KCNIP4: variants seen among roughly 807,000 people sequenced by gnomAD.
KCNIP4 encodes potassium voltage-gated channel interacting protein 4.
Under a neutral mutation model 34.0 loss-of-function variants are expected in KCNIP4, and 12 were observed. The observed-to-expected ratio is 0.35, with a 90% CI of 0.23 to 0.57. KCNIP4 has a LOEUF of 0.57. Ranked by LOEUF, KCNIP4 falls within the 20% of genes least tolerant of loss-of-function variation. KCNIP4 has a pLI of 0.83. For missense variants in KCNIP4, 238 were observed against 311.7 expected (o/e 0.76, Z 1.78); for synonymous variants, 124 against 102.2 (o/e 1.21, Z -1.29).
chr4:20,969,361 A>T (rs1339144309), intron 1 of KCNIP4, among the ~76,000 whole-genome samples: 2 of 152,172 alleles, frequency 1.3e-5, no homozygotes, highest in Non-Finnish European at 2.9e-5. Flanking sequence ...CCCTAAGACA[A>T]AGTTTCTTGG....
intron 3 of KCNIP4, among the ~76,000 whole-genome samples, chr4:20,818,477 T>C (rs570272835): frequency 4.6e-5 from 7 of 152,296 alleles, no homozygotes; most frequent in Admixed American, 3.9e-4. Context: ...GTCTTGTCAG[T>C]GGACTGGCTC....
chr4:21,911,618 AC>A (rs2108983087), intron 1 of KCNIP4, among the ~76,000 whole-genome samples: 1 of 66,510 alleles, frequency 1.5e-5, no homozygotes, highest in East Asian at 2.5e-4. Context: ...ACACACACAC[AC>A]ACACACACAC....
intron 1 of KCNIP4, among the ~76,000 whole-genome samples, chr4:21,787,073 T>C (rs1300488436): frequency 1.3e-5 from 2 of 152,138 alleles, no homozygotes; most frequent in Non-Finnish European, 2.9e-5. Flanking sequence ...GATTTAAACC[T>C]TTTTGAACAC....
intron 1 of KCNIP4, among the ~76,000 whole-genome samples, chr4:21,070,927 G>A (rs542268081): frequency 1.0e-3 from 155 of 151,776 alleles, no homozygotes; most frequent in Non-Finnish European, 1.7e-3. Context: ...TGCCCACCTC[G>A]GCTTCCCAAA....
intron 3 of KCNIP4, among the ~76,000 whole-genome samples, chr4:20,835,489 A>G (rs1455047450): frequency 6.6e-6 from 1 of 152,100 alleles, no homozygotes; most frequent in East Asian, 1.9e-4. Flanking sequence ...TAGGGCTGCT[A>G]AGAGAATAAA....
chr4:21,590,127 G>A (rs944563528), intron 1 of KCNIP4, among the ~76,000 whole-genome samples: 4 of 151,898 alleles, frequency 2.6e-5, no homozygotes, highest in African/African-American at 9.7e-5. Flanking sequence ...TATATTAAAG[G>A]ATTAACTGGG....
At chr4:21,709,194 T>C (rs531618884) in intron 1 of KCNIP4, among the ~76,000 whole-genome samples, 1 of 152,028 alleles carries the variant, frequency 6.6e-6, no homozygotes, top group Non-Finnish European at 1.5e-5. Flanking sequence ...AAAAAAAGAA[T>C]TAAAAAGAAC....
intron 1 of KCNIP4, among the ~76,000 whole-genome samples, chr4:21,906,758 C>T (rs1041062730): frequency 1.3e-5 from 2 of 152,194 alleles, no homozygotes; most frequent in African/African-American, 4.8e-5. Flanking sequence ...AAGCTATCTG[C>T]ATACCCTGCC....
chr4:21,797,224 T>C (rs1232394845), intron 1 of KCNIP4, among the ~76,000 whole-genome samples: 2 of 152,236 alleles, frequency 1.3e-5, no homozygotes, highest in Non-Finnish European at 2.9e-5. Context: ...CATAGCTCAG[T>C]GCAGCTTCAC....
chr4:20,749,726 G>T lies in KCNIP4; in HGVS notation c.365C>A (p.Thr122Lys), dbSNP rs2149338008. 1 of 1,605,264 alleles carries T rather than the reference G, an allele frequency of 6.2e-7. No homozygotes were observed. Among genetic ancestry groups the T allele is most frequent in the East Asian group, 2.2e-5 (1 of 44,678 alleles). ...YSQFFPQGDS[T>K]TYAHFLFNAF... The stretch of plus-strand genomic sequence containing the variant: ...ATTGAACAGAAAATGTGCATATGTT[G>T]TAGAGTCTGAAATGGTAAAAAGGGA... The change falls in exon 5 of 9, where the codon ACA becomes AAA. Residue 122 changes from threonine (T) to lysine (K), a missense_variant. Physicochemically the swap from Thr to Lys is moderately conservative, Grantham distance 78. Transcript: ENST00000382152.
chr4:20,959,175 G>T (rs1481157767), intron 1 of KCNIP4, among the ~76,000 whole-genome samples: 1 of 152,184 alleles, frequency 6.6e-6, no homozygotes, highest in Non-Finnish European at 1.5e-5. Context: ...CATAAGAGAG[G>T]ATAGTCACAG....
At chr4:21,795,361 T>C (rs1238621991) in intron 1 of KCNIP4, among the ~76,000 whole-genome samples, 3 of 152,180 alleles carry the variant, frequency 2.0e-5, no homozygotes, top group Non-Finnish European at 2.9e-5. Context: ...AAAACGTCTG[T>C]TGCGTAAGCC....
chr4:21,103,376 T>C (rs1748135068), intron 1 of KCNIP4, among the ~76,000 whole-genome samples: 1 of 146,932 alleles, frequency 6.8e-6, no homozygotes, highest in Non-Finnish European at 1.5e-5. Context: ...ATAAGATATA[T>C]ATATTTTATA....
chr4:21,081,937 G>T (rs890479269), intron 1 of KCNIP4, among the ~76,000 whole-genome samples: 1 of 151,664 alleles, frequency 6.6e-6, no homozygotes, highest in Non-Finnish European at 1.5e-5. Flanking sequence ...AAACTTCAAA[G>T]CTCTATGTCC....
At chr4:20,951,859 G>A (rs1164461253) in intron 1 of KCNIP4, among the ~76,000 whole-genome samples, 1 of 152,188 alleles carries the variant, frequency 6.6e-6, no homozygotes, top group African/African-American at 2.4e-5. Context: ...ATTCTAAAGG[G>A]CCCAGGATGG....
chr4:20,877,813 G>T (rs139730244), intron 2 of KCNIP4, among the ~76,000 whole-genome samples: 3 of 152,018 alleles, frequency 2.0e-5, no homozygotes, highest in Admixed American at 6.6e-5. Context: ...CTGGAGTAAG[G>T]TTCTTTTGGG....
In KCNIP4 at chr4:20,918,877, A is replaced by G. The variant is rs1389166390; in HGVS notation, c.62-36168T>C. Among the ~76,000 whole-genome samples, 4 of 152,334 alleles carry G rather than the reference A, an allele frequency of 2.6e-5. No homozygotes were observed. The South Asian group carries it at 6.2e-4, about 24-fold the overall frequency. On this transcript the variant is annotated intron_variant, in intron 1 of 8. Transcript: ENST00000382152. ...ACCAAATCTGTGAGCAAAAATGTCA[A>G]TGGCAAGTAGGCCAACTGTAAGTAA...
chr4:21,518,246 A>T (rs1414512185), intron 1 of KCNIP4, among the ~76,000 whole-genome samples: 4 of 152,216 alleles, frequency 2.6e-5, no homozygotes, highest in Non-Finnish European at 5.9e-5. Flanking sequence ...GTCCATAGAC[A>T]GACACAGTAA....
intron 1 of KCNIP4, among the ~76,000 whole-genome samples, chr4:21,534,961 A>G (rs1270619661): frequency 6.6e-6 from 1 of 152,042 alleles, no homozygotes; most frequent in African/African-American, 2.4e-5. Flanking sequence ...TCAATGCTGT[A>G]TCGTTCCTCT....
Sources: gnomAD v4.1 joint callset for allele counts (sites outside exome capture counted in the v4.1 genomes callset) on GRCh38, gnomAD v4.1.1 for gene constraint, MANE v1.5 for transcripts, NCBI Gene and HGNC (gene_info 2026-07-23, HGNC 2026-07-21) for gene names.